PAK3: variants seen among roughly 807,000 people sequenced by gnomAD.
The protein encoded by PAK3 is p21 (RAC1) activated kinase 3.
PAK3 carries 4 observed loss-of-function variants against 41.0 expected under a neutral mutation model. The observed-to-expected ratio is 0.10, with a 90% confidence interval of 0.05 to 0.22. The LOEUF is 0.22. PAK3 is among the 10% of genes least tolerant of loss of function. The pLI is 1.00. For missense variants in PAK3, 205 were observed against 409.9 expected (o/e 0.50, Z 4.32); for synonymous variants, 146 against 139.6 (o/e 1.05, Z -0.32).
At chrX:111,124,614 C>A (rs1165368081) in intron 5 of PAK3, among the ~76,000 whole-genome samples, 2 of 112,060 alleles carry the variant, frequency 1.8e-5, no homozygotes, top group Non-Finnish European at 3.8e-5. Flanking sequence ...TTGAATACTT[C>A]TGAAGAGCAA....
intron 1 of PAK3, among the ~76,000 whole-genome samples, chrX:110,999,505 A>G (rs1252987222): frequency 2.7e-5 from 3 of 110,547 alleles, no homozygotes; most frequent in Non-Finnish European, 3.8e-5. Flanking sequence ...TGAGGAAAGA[A>G]TGCTTCTTTC....
At chrX:111,064,562 C>T in intron 1 of PAK3, among the ~76,000 whole-genome samples, 1 of 110,125 alleles carries the variant, frequency 9.1e-6, no homozygotes, top group East Asian at 2.9e-4. Context: ...GTTTTCTATT[C>T]CTGAATTAAT....
At chrX:111,004,317 A>C (rs1228868946) in intron 1 of PAK3, among the ~76,000 whole-genome samples, 1 of 112,007 alleles carries the variant, frequency 8.9e-6, no homozygotes, top group East Asian at 2.8e-4. Context: ...GATCTTACTT[A>C]AGGCAGTGAC....
intron 8 of PAK3, 21 bp downstream of exon 8, chrX:111,152,468 T>C (rs751104350): frequency 2.8e-6 from 3 of 1,068,381 alleles, no homozygotes; most frequent in Non-Finnish European, 3.9e-6. Flanking sequence ...AATTGAAAAC[T>C]GTTTCACATG....
At chrX:111,188,660 C>G (rs1418043838) in intron 11 of PAK3, among the ~76,000 whole-genome samples, 1 of 111,476 alleles carries the variant, frequency 9.0e-6, no homozygotes, top group African/African-American at 3.3e-5. Context: ...CAGTCATCCC[C>G]TACTGTGAAA....
chrX:111,113,663 C>T (rs1297990479), intron 4 of PAK3, among the ~76,000 whole-genome samples: 2 of 111,176 alleles, frequency 1.8e-5, no homozygotes, highest in Non-Finnish European at 3.8e-5. Flanking sequence ...TACATGTGCA[C>T]AACATGCAGG....
intron 1 of PAK3, among the ~76,000 whole-genome samples, chrX:111,043,191 A>G (rs2092468183): frequency 9.1e-6 from 1 of 110,040 alleles, no homozygotes; most frequent in Non-Finnish European, 1.9e-5. Flanking sequence ...CCATTCAGGC[A>G]GCTGAGGCAG....
chrX:111,019,317 G>A (rs916351239), intron 1 of PAK3, among the ~76,000 whole-genome samples: 9 of 110,405 alleles, frequency 8.2e-5, no homozygotes, highest in African/African-American at 9.9e-5. Context: ...CAGAATGAGA[G>A]AAAGTATTTG....
intron 6 of PAK3, chrX:111,145,053 A>T: frequency 2.7e-6 from 1 of 374,097 alleles, no homozygotes; most frequent in Non-Finnish European, 4.8e-6. Flanking sequence ...TCCTATACAC[A>T]GTCAGACATT....
intron 16 of PAK3, among the ~76,000 whole-genome samples, chrX:111,203,148 C>A (rs1264851357): frequency 9.0e-6 from 1 of 111,509 alleles, no homozygotes. Flanking sequence ...CACTGTCCAG[C>A]CTGGACAACA....
intron 5 of PAK3, among the ~76,000 whole-genome samples, chrX:111,126,738 A>T (rs191987601): frequency 4.9e-4 from 55 of 112,072 alleles, no homozygotes; most frequent in African/African-American, 1.6e-3. Context: ...ATATCATTAT[A>T]TTTGTAGCAT....
chrX:110,979,057 T>C (rs932967194), intron 1 of PAK3, among the ~76,000 whole-genome samples: 9 of 111,387 alleles, frequency 8.1e-5, no homozygotes, highest in African/African-American at 2.9e-4. Flanking sequence ...TGATGCATTA[T>C]GCATTTCAAA....
In PAK3 at chrX:111,152,442, C is replaced by G. The variant is rs1306718587; in HGVS notation, c.463C>G (p.Pro155Ala). 1.1e-5 allele frequency: 13 copies of G among 1,165,933 alleles called. No homozygotes were observed. Among genetic ancestry groups the G allele is most frequent in the Non-Finnish European group, 1.5e-5 (13 of 855,537 alleles). The change falls in exon 8 of 18, where the codon CCT becomes GCT. Residue 155 changes from proline to alanine, a missense_variant. By Grantham distance (27) the Pro-to-Ala change is conservative. Around this residue, in one of 5 missense-constraint regions of PAK3, gnomAD observed 75 missense variants for 91.9 expected, o/e 0.82. Transcript: ENST00000372007. ...KSAHGYIAAH[P>A]SSTKTASEPP... ...TGCACATGGATACATAGCAGCCCAT[C>G]CTTCGGTAAGTGAAAAATTGAAAAC... is the stretch of plus-strand genomic sequence containing the variant.
intron 1 of PAK3, among the ~76,000 whole-genome samples, chrX:110,974,418 T>C (rs752661531): frequency 1.8e-5 from 2 of 111,982 alleles, no homozygotes; most frequent in South Asian, 7.5e-4. Context: ...AGGAAGAAGT[T>C]GAATCTCTGA....
At chrX:111,107,236 A>G (rs1416177057) in intron 4 of PAK3, among the ~76,000 whole-genome samples, 1 of 112,217 alleles carries the variant, frequency 8.9e-6, no homozygotes, top group Non-Finnish European at 1.9e-5. Context: ...CTAGCCAGGT[A>G]TACTTAATAC....
chrX:111,048,279 A>G (rs1447910595), intron 1 of PAK3, among the ~76,000 whole-genome samples: 5 of 110,436 alleles, frequency 4.5e-5, no homozygotes, highest in African/African-American at 1.7e-4. Context: ...TTGTTGGCAC[A>G]CCCGACGGCT....
Position 111,027,362 on chromosome X carries a change from T to A in PAK3, c.-28+82734T>A, listed in dbSNP as rs138001479. Among the ~76,000 whole-genome samples, 623 of 111,751 alleles carry A rather than the reference T, an allele frequency of 5.6e-3. 7 individuals are homozygous for A. The highest frequency in any genetic ancestry group is 0.019 in the African/African-American group (591 of 30,750). On this transcript the variant is annotated intron_variant, in intron 1 of 14. Transcript: ENST00000425146. ...AGCTTCTGCACAGCAAAATAAATAA[T>A]CAGCAGAGTTAACAGACAACCCACA...
intron 1 of PAK3, among the ~76,000 whole-genome samples, chrX:110,961,209 G>A (rs2090972426): frequency 9.0e-6 from 1 of 111,445 alleles, no homozygotes; most frequent in African/African-American, 3.3e-5. Flanking sequence ...CAACCAGATT[G>A]AGAACCTGTG....
chrX:111,175,754 A>T (rs2094398156), intron 11 of PAK3, among the ~76,000 whole-genome samples: 1 of 111,944 alleles, frequency 8.9e-6, no homozygotes, highest in African/African-American at 3.2e-5. Context: ...AACAAAGATC[A>T]GGCCACCAAG....
Sources: allele counts gnomAD v4.1 joint callset (sites outside exome capture counted in the v4.1 genomes callset), GRCh38; gene constraint gnomAD v4.1.1; regional missense constraint gnomAD v4.1.1; transcripts MANE v1.5; gene names NCBI Gene and HGNC (gene_info 2026-07-23, HGNC 2026-07-21).